RPGRIP1L: variants seen among roughly 807,000 people sequenced by gnomAD.
The protein encoded by RPGRIP1L is protein fantom.
A neutral mutation model predicts 160.4 loss-of-function variants in RPGRIP1L; 131 were observed. The observed-to-expected ratio is 0.82, with a 90% CI of 0.71 to 0.94. The LOEUF is 0.94. Ranked by LOEUF, RPGRIP1L falls within the 40% of genes least tolerant of loss-of-function variation. RPGRIP1L has a pLI of 0.00. For missense variants in RPGRIP1L, 1,522 were observed against 1,535.8 expected (o/e 0.99, Z 0.15); for synonymous variants, 510 against 515.8 (o/e 0.99, Z 0.15).
chr16:53,681,882 A>G (rs1294639608), intron 6 of RPGRIP1L, among the ~76,000 whole-genome samples: 1 of 152,228 alleles, frequency 6.6e-6, no homozygotes. Flanking sequence ...TCCAGATCAG[A>G]CTTCTAGAAT....
chr16:53,692,398 G>T (rs753412808), intron 3 of RPGRIP1L, 34 bp from the exon 4 acceptor site: 47 of 1,585,400 alleles, frequency 3.0e-5, no homozygotes, highest in Non-Finnish European at 4.1e-5. Context: ...AAAGGAATGT[G>T]AGAAGTCAGC....
chr16:53,656,523 G>GT lies in RPGRIP1L; in HGVS notation c.1647dup (p.Gln550ThrfsTer7). The GT allele has an allele frequency of 6.2e-7, 1 of 1,613,922 alleles. No individual in the cohort carries two copies. Among genetic ancestry groups the GT allele is most frequent in the Non-Finnish European group, 8.5e-7 (1 of 1,179,872 alleles). On this transcript the variant is annotated frameshift_variant, in exon 14 of 27. Coordinates refer to ENST00000647211, the MANE Select transcript of RPGRIP1L (RefSeq NM_015272.5). LOFTEE classifies it high-confidence loss of function. Reference sequence around the variant, plus strand: ...CTGATATCAAGAAGATGAACATACTGTTCCACTTTGAGTTCATAATCTTGC... The same window carrying GT: ...CTGATATCAAGAAGATGAACATACTGTTTCCACTTTGAGTTCATAATCTTGC...
Position 53,625,586 on chromosome 16 carries a change from G to A in RPGRIP1L, c.3295-3230C>T, listed in dbSNP as rs547724633. On this transcript the variant is annotated intron_variant, in intron 22 of 26. Transcript: ENST00000647211. ...GGTGGGGGGGCCCCTCTGCCCAGCC[G>A]CCATGTCTGGGAAGTGAGGAGCCCC... Among the ~76,000 whole-genome samples, 294 of 148,552 alleles carry A rather than the reference G, an allele frequency of 2.0e-3. 3 individuals carry two copies. Among genetic ancestry groups the A allele is most frequent in the African/African-American group, 6.3e-3 (252 of 40,298 alleles).
At chr16:53,677,999 A>G (rs894396165) in intron 6 of RPGRIP1L, among the ~76,000 whole-genome samples, 3 of 152,188 alleles carry the variant, frequency 2.0e-5, no homozygotes, top group South Asian at 4.1e-4. Context: ...TGCATTACAC[A>G]TGGTGAAATG....
chr16:53,601,820 T>TG lies in RPGRIP1L; in HGVS notation c.*255_*256insC, dbSNP rs1366880018. On this transcript the variant is annotated 3_prime_UTR_variant, in exon 27 of 27. Coordinates refer to ENST00000647211, the MANE Select transcript of RPGRIP1L (RefSeq NM_015272.5). ...AGACTTTCTCACGCTATCACGTAGG[T>TG]ATAAATTATTGAGAAGGTACTGCCC... 14 of 429,918 alleles carry TG rather than the reference T, an allele frequency of 3.3e-5. No individual in the cohort carries two copies. Among genetic ancestry groups the TG allele is most frequent in the Non-Finnish European group, 5.6e-5 (13 of 233,610 alleles). The allele number at this position is 429,918 out of a possible 1,614,324, so 26.6% of individuals were successfully genotyped here.
chr16:53,640,764 C>G (rs576381667), intron 19 of RPGRIP1L, among the ~76,000 whole-genome samples: 20 of 151,550 alleles, frequency 1.3e-4, no homozygotes, highest in African/African-American at 4.4e-4. Context: ...AGAATTTAGA[C>G]AATTTTTTGA....
chr16:53,629,244 T>C (rs1231831915), intron 22 of RPGRIP1L, among the ~76,000 whole-genome samples: 1 of 152,188 alleles, frequency 6.6e-6, no homozygotes, highest in East Asian at 1.9e-4. Context: ...CCCTGGCATT[T>C]AACAATGCTC....
rs1381358473 is a variant in RPGRIP1L at position 53,636,518 on chromosome 16, T to TA, written c.3221-7dup. ...AGCTGACATGTCCTCTTCAACTGTT[T>TA]AAAAAATAAAAGGGTAACATTTACA... On this transcript the variant is annotated splice_polypyrimidine_tract_variant and splice_region_variant and intron_variant, in intron 21 of 26. Transcript: ENST00000647211. The TA allele has an allele frequency of 1.9e-6, 3 of 1,601,882 alleles. No homozygotes were observed. Among genetic ancestry groups the TA allele is most frequent in the Non-Finnish European group, 1.7e-6 (2 of 1,169,464 alleles).
chr16:53,640,918 A>C (rs1309053963), intron 19 of RPGRIP1L, 115 bp downstream of exon 19: 1 of 793,210 alleles, frequency 1.3e-6, no homozygotes, highest in African/African-American at 1.7e-5. Flanking sequence ...TAATGGGAAA[A>C]GACATACTTT....
chr16:53,636,600 A>G, intron 21 of RPGRIP1L, 88 bp from the exon 22 acceptor site: 1 of 889,612 alleles, frequency 1.1e-6, no homozygotes, highest in Non-Finnish European at 1.9e-6. Context: ...AGCACACACC[A>G]TAAGATAACC....
At position 53,638,443 on chromosome 16, in the gene RPGRIP1L, C is replaced by T. The variant is rs7203525; in HGVS notation, c.2959-32G>A. On this transcript the variant is annotated intron_variant, in intron 19 of 26. Coordinates refer to ENST00000647211, the MANE Select transcript of RPGRIP1L (RefSeq NM_015272.5). ...TTAATGTGAAAACACGCATGTATGT[C>T]ATTTTTTATTTATTACTAAATCCCA... 0.32 allele frequency: 364,760 copies of T among 1,132,226 alleles called. 66,730 individuals are homozygous for T. The highest frequency in any genetic ancestry group is 0.63 in the African/African-American group (41,131 of 65,322). The allele number at this position is 1,132,226 out of a possible 1,614,324, so 70.1% of individuals were successfully genotyped here. A position where few individuals can be genotyped will look rare whatever the true frequency, so the allele number is the denominator to read the frequency against.
intron 6 of RPGRIP1L, among the ~76,000 whole-genome samples, chr16:53,675,768 T>C (rs561272900): frequency 1.6e-4 from 24 of 152,306 alleles, no homozygotes; most frequent in Admixed American, 1.2e-3. Flanking sequence ...AGAAACCTTA[T>C]ATGTTACAAT....
At position 53,611,018 on chromosome 16, in the gene RPGRIP1L, T is replaced by C. The variant is rs542633835; in HGVS notation, c.3650A>G (p.Lys1217Arg). 6.2e-7 allele frequency: 1 copy of C among 1,613,558 alleles called. No individual in the cohort carries two copies. The highest frequency in any genetic ancestry group is 2.2e-5 in the East Asian group (1 of 44,872). ...IYVDKENNKA[K>R]RDILKAILQK... Reference sequence around the variant, plus strand: ...TAGTATAGCTTTTAAGATGTCTCTCTTTGCTTTGTTGTTTTCTTTATCCAC... The same window carrying C: ...TAGTATAGCTTTTAAGATGTCTCTCCTTGCTTTGTTGTTTTCTTTATCCAC... The change falls in exon 25 of 27, where the codon AAG becomes AGG. Residue 1217 changes from lysine to arginine, a missense_variant. Physicochemically the swap from Lys to Arg is conservative, Grantham distance 26. Transcript: ENST00000647211.
chr16:53,626,145 T>TAAAAAAAAAAAAAA (rs760491478), intron 22 of RPGRIP1L, among the ~76,000 whole-genome samples: 37 of 60,460 alleles, frequency 6.1e-4, no homozygotes, highest in Non-Finnish European at 7.7e-4. Flanking sequence ...CAATAAATAC[T>TAAAAAAAAAAAAAA]AAAAAAAAAA....
rs376444869 is a variant in RPGRIP1L at position 53,602,010 on chromosome 16, T to A, written c.*66A>T. 1 of 934,576 alleles carries A rather than the reference T, an allele frequency of 1.1e-6. No homozygotes were observed. Among genetic ancestry groups the A allele is most frequent in the Admixed American group, 1.9e-5 (1 of 53,874 alleles). The allele number at this position is 934,576 out of a possible 1,614,324, so 57.9% of individuals were successfully genotyped here. A position where few individuals can be genotyped will look rare whatever the true frequency, so the allele number is the denominator to read the frequency against. ...ATATACACCAGAGTAATTACAAAAATCTCATGTAGGAACTTTCATGTGAGC... is the reference window on the plus strand; with the variant it reads ...ATATACACCAGAGTAATTACAAAAAACTCATGTAGGAACTTTCATGTGAGC... On this transcript the variant is annotated 3_prime_UTR_variant, in exon 27 of 27. Transcript: ENST00000647211.
At chr16:53,602,251 G>A (rs1180947029) in intron 26 of RPGRIP1L, 63 bp from the exon 27 acceptor site, 12 of 1,093,138 alleles carry the variant, frequency 1.1e-5, no homozygotes, top group Middle Eastern at 4.6e-4. Context: ...GGAAAGGCTC[G>A]CAGACAGAAA....
At chr16:53,621,567 C>T (rs539695884) in intron 23 of RPGRIP1L, among the ~76,000 whole-genome samples, 3 of 151,908 alleles carry the variant, frequency 2.0e-5, no homozygotes, top group African/African-American at 7.2e-5. Flanking sequence ...CATGAATCAA[C>T]TTGAAATAAA....
chr16:53,653,301 TG>T lies in RPGRIP1L; in HGVS notation c.1700-315del, dbSNP rs1598332748. ...CTGAGATAACTACCTGGATTTCACC[TG>T]CTTCCCTGTCTCTGCTCCACCCATT... On this transcript the variant is annotated intron_variant, in intron 14 of 26. Coordinates refer to ENST00000647211, the MANE Select transcript of RPGRIP1L (RefSeq NM_015272.5). 2.6e-6 allele frequency: 3 copies of T among 1,148,338 alleles called. No homozygotes were observed. In the East Asian group the frequency reaches 1.9e-4, roughly 73 times the overall value. The allele number at this position is 1,148,338 out of a possible 1,614,324, so 71.1% of individuals were successfully genotyped here. A position where few individuals can be genotyped will look rare whatever the true frequency, so the allele number is the denominator to read the frequency against.
At chr16:53,642,969 C>T (rs1417721022) in intron 17 of RPGRIP1L, among the ~76,000 whole-genome samples, 2 of 152,156 alleles carry the variant, frequency 1.3e-5, no homozygotes, top group Non-Finnish European at 2.9e-5. Flanking sequence ...GGCCAGCCAA[C>T]AATTTAAAAG....
Sources: allele counts gnomAD v4.1 joint callset (sites outside exome capture counted in the v4.1 genomes callset), GRCh38; gene constraint gnomAD v4.1.1; transcripts MANE v1.5; gene names NCBI Gene and HGNC (gene_info 2026-07-23, HGNC 2026-07-21).